The following CPLANE1 variants were observed in gnomAD, a reference collection of about 807,000 sequenced individuals.
CPLANE1 encodes ciliogenesis and planar polarity effector complex subunit 1.
CPLANE1 carries 263 observed loss-of-function variants against 362.5 expected under a neutral mutation model. The ratio of observed to expected loss-of-function variants is 0.73; its 90% confidence interval spans 0.66 to 0.80. CPLANE1 has a LOEUF of 0.80. CPLANE1 is among the 30% of genes least tolerant of loss of function. The pLI, the probability that CPLANE1 is intolerant of heterozygous loss-of-function variation, is 0.00. For missense variants in CPLANE1, 3,461 were observed against 3,793.4 expected (o/e 0.91, Z 2.30); for synonymous variants, 1,212 against 1,302.6 (o/e 0.93, Z 1.50).
In CPLANE1 at chr5:37,183,670, G is replaced by A; in HGVS notation, c.4511C>T (p.Ser1504Leu). The change falls in exon 26 of 53, where the codon TCA becomes TTA. Residue 1504 changes from serine (S) to leucine (L), a missense_variant. Around this residue, in one of 2 missense-constraint regions of CPLANE1, gnomAD observed 3,380 missense variants for 3,666.1 expected, o/e 0.92. Transcript: ENST00000651892. ...RNAPNHMELT[S>L]IHKPTDKRKM... Reference sequence around the variant, plus strand: ...CCTTTTATCAGTTGGCTTATGAATTGATGTTAATTCCATGTGATTTGGGGC... The same window carrying A: ...CCTTTTATCAGTTGGCTTATGAATTAATGTTAATTCCATGTGATTTGGGGC... The A allele has an allele frequency of 6.2e-7, 1 of 1,603,132 alleles. No individual in the cohort carries two copies. The highest frequency in any genetic ancestry group is 8.5e-7 in the Non-Finnish European group (1 of 1,176,524).
At chr5:37,210,974 TCAG>T (rs1347489907) in intron 16 of CPLANE1, 6 of 782,530 alleles carry the variant, frequency 7.7e-6, no homozygotes, top group Non-Finnish European at 1.4e-5. Context: ...GGTTAACTAT[TCAG>T]GTTGCCGATT....
At chr5:37,145,346 AG>A (rs1561395853) in intron 43 of CPLANE1, among the ~76,000 whole-genome samples, 1 of 152,206 alleles carries the variant, frequency 6.6e-6, no homozygotes, top group African/African-American at 2.4e-5. Flanking sequence ...GAGAAGATGG[AG>A]GGAACAAATC....
At chr5:37,119,054 C>T (rs1761886902) in intron 50 of CPLANE1, among the ~76,000 whole-genome samples, 1 of 152,024 alleles carries the variant, frequency 6.6e-6, no homozygotes, top group South Asian at 2.1e-4. Context: ...TACATGTCAG[C>T]TATTATAATA....
chr5:37,186,482 T>C (rs1784027942), intron 23 of CPLANE1, 88 bp from the exon 24 acceptor site: 1 of 697,726 alleles, frequency 1.4e-6, no homozygotes, highest in Admixed American at 2.1e-5. Context: ...TAACTCAAAA[T>C]ATAAATGCAC....
At chr5:37,181,690 C>A (rs1370105299) in intron 26 of CPLANE1, among the ~76,000 whole-genome samples, 4 of 152,084 alleles carry the variant, frequency 2.6e-5, no homozygotes, top group Non-Finnish European at 5.9e-5. Context: ...TGGCATGAGC[C>A]TGTGGTCCCA....
At chr5:37,190,608 T>TA (rs869118770) in intron 21 of CPLANE1, among the ~76,000 whole-genome samples, 46 of 152,164 alleles carry the variant, frequency 3.0e-4, no homozygotes, top group African/African-American at 1.0e-3. Context: ...TAGATTTTTT[T>TA]AAAAAAACTA....
At chr5:37,098,602 G>C in the CPLANE1 span, among the ~76,000 whole-genome samples, 4 of 151,798 alleles carry the variant, frequency 2.6e-5, no homozygotes, top group Admixed American at 2.6e-4. Flanking sequence ...TTAGCACACA[G>C]GATATTTTCC....
intron 7 of CPLANE1, 68 bp from the exon 8 acceptor site, chr5:37,239,028 G>T (rs1799681048): frequency 1.3e-6 from 1 of 773,106 alleles, no homozygotes; most frequent in Admixed American, 3.1e-5. Context: ...TTATAATTCT[G>T]GTGACACAGA....
At chr5:37,193,978 A>G (rs1239979205) in intron 21 of CPLANE1, among the ~76,000 whole-genome samples, 2 of 150,820 alleles carry the variant, frequency 1.3e-5, no homozygotes, top group East Asian at 1.9e-4. Flanking sequence ...CTGGAGTACA[A>G]TGGTGCAATC....
intron 15 of CPLANE1, among the ~76,000 whole-genome samples, chr5:37,216,914 C>T (rs1274622771): frequency 6.6e-6 from 1 of 152,006 alleles, no homozygotes. Flanking sequence ...GTCCCAGCAC[C>T]TAGCACTTCT....
In CPLANE1 at chr5:37,205,575, G is replaced by A. The variant is rs139761028; in HGVS notation, c.3150-121C>T. On this transcript the variant is annotated intron_variant, in intron 17 of 52. Transcript: ENST00000651892. ...AATGGAATTTACTTTTTTATCTATCGTACATGTAAAAAAGATATATTCAAG... is the reference window on the plus strand; with the variant it reads ...AATGGAATTTACTTTTTTATCTATCATACATGTAAAAAAGATATATTCAAG... 1,951 of 658,452 alleles carry A rather than the reference G, an allele frequency of 3.0e-3. 43 individuals carry two copies. The African/African-American group carries it at 0.033, about 11-fold the overall frequency. 40.8% of individuals were successfully genotyped at this position (658,452 alleles called of 1,614,324 possible).
intron 46 of CPLANE1, among the ~76,000 whole-genome samples, chr5:37,128,046 C>A (rs1422600437): frequency 6.6e-6 from 1 of 151,996 alleles, no homozygotes; most frequent in East Asian, 1.9e-4. Context: ...TCTCAAAAAA[C>A]AAACAAACAA....
At chr5:37,162,599 T>C (rs757106565) in intron 37 of CPLANE1, 33 bp from the exon 38 acceptor site, 48 of 1,474,040 alleles carry the variant, frequency 3.3e-5, no homozygotes, top group Non-Finnish European at 4.4e-5. Context: ...AAGTAATCAT[T>C]GAGAAGCTAA....
intron 16 of CPLANE1, chr5:37,212,250 G>C (rs1221905372): frequency 7.0e-7 from 1 of 1,432,306 alleles, no homozygotes; most frequent in Non-Finnish European, 9.8e-7. Flanking sequence ...CATCCAGCAA[G>C]ACCAGGAGTC....
chr5:37,200,336 C>T (rs1788779039), intron 19 of CPLANE1, among the ~76,000 whole-genome samples: 1 of 152,172 alleles, frequency 6.6e-6, no homozygotes. Flanking sequence ...AGTAACCACT[C>T]AAACTACTCG....
chr5:37,241,714 C>T (rs2150741589), intron 6 of CPLANE1, among the ~76,000 whole-genome samples: 1 of 152,216 alleles, frequency 6.6e-6, no homozygotes, highest in African/African-American at 2.4e-5. Context: ...GCAACCTGGA[C>T]CTCCTGGGCT....
intron 43 of CPLANE1, 78 bp downstream of exon 43, chr5:37,148,103 G>A: frequency 3.2e-6 from 3 of 950,702 alleles, no homozygotes; most frequent in Non-Finnish European, 4.7e-6. Flanking sequence ...CCTACTTCTG[G>A]CACTCCACAA....
At position 37,183,067 on chromosome 5, in the gene CPLANE1, A is replaced by G. The variant is rs1160277331; in HGVS notation, c.5114T>C (p.Ile1705Thr). ...KCLIQRSSNH[I>T]FWTPKSIKTR... ...TTTAATGGACTTGGGAGTCCAAAAA[A>G]TGTGGTTTGATGATCTCTGGATTAG... is the stretch of plus-strand genomic sequence containing the variant. Residue 1705 changes from isoleucine to threonine, a missense_variant, in exon 26 of 53, where the codon ATT (isoleucine) becomes ACT (threonine). By Grantham distance (89) the Ile-to-Thr change is moderately conservative. This residue lies in a region of CPLANE1 where 3,380 missense variants were observed against 3,666.1 expected (regional missense o/e 0.92). Coordinates refer to ENST00000651892, the MANE Select transcript of CPLANE1 (RefSeq NM_001384732.1). The G allele has an allele frequency of 3.1e-6, 5 of 1,613,340 alleles. No individual in the cohort carries two copies. The highest frequency in any genetic ancestry group is 1.7e-5 in the Admixed American group (1 of 60,010).
At chr5:37,202,580 A>G (rs912280370) in intron 18 of CPLANE1, among the ~76,000 whole-genome samples, 1 of 152,230 alleles carries the variant, frequency 6.6e-6, no homozygotes, top group Non-Finnish European at 1.5e-5. Context: ...GCAAATATCT[A>G]TATATATGTG....
Sources: allele counts gnomAD v4.1 joint callset (sites outside exome capture counted in the v4.1 genomes callset), GRCh38; gene constraint gnomAD v4.1.1; regional missense constraint gnomAD v4.1.1; transcripts MANE v1.5; gene names NCBI Gene and HGNC (gene_info 2026-07-23, HGNC 2026-07-21).